The following FRMD4A variants were observed in gnomAD, a reference collection of about 807,000 sequenced individuals.
FRMD4A encodes the protein FERM domain containing 4A, also known as FERM domain-containing protein 4A.
In FRMD4A, 29 loss-of-function variants were observed where a neutral mutation model predicts 129.1. The observed-to-expected ratio is 0.22, with a 90% CI of 0.17 to 0.31. The LOEUF is 0.31. FRMD4A is among the 10% of genes least tolerant of loss of function. FRMD4A has a pLI of 1.00. For synonymous variants in FRMD4A, 634 were observed against 571.6 expected, an observed-to-expected ratio of 1.11 and a Z score of -1.56; for missense variants, 1,272 against 1,375.8, an observed-to-expected ratio of 0.92 and a Z score of 1.19.
At chr10:14,000,668 A>AAAAAAAAAAAAAAAAAAAAAAAAAAAAAG (rs1555009702) in intron 2 of FRMD4A, among the ~76,000 whole-genome samples, 3 of 74,514 alleles carry the variant, frequency 4.0e-5, no homozygotes, top group Admixed American at 1.4e-4. Flanking sequence ...AAAAAAAAAA[A>AAAAAAAAAAAAAAAAAAAAAAAAAAAAAG]GAGAAGAAAG....
At chr10:14,206,889 G>A (rs1243787691) in intron 2 of FRMD4A, among the ~76,000 whole-genome samples, 1 of 150,136 alleles carries the variant, frequency 6.7e-6, no homozygotes, top group African/African-American at 2.5e-5. Flanking sequence ...ACAGGCTCAT[G>A]CCCCACTGAT....
At chr10:13,851,592 T>C (rs1306230036) in intron 3 of FRMD4A, among the ~76,000 whole-genome samples, 3 of 152,062 alleles carry the variant, frequency 2.0e-5, no homozygotes, top group Admixed American at 1.3e-4. Context: ...GTGAGGGATC[T>C]AGTTTGCACA....
At chr10:13,866,324 A>C (rs776782921) in intron 2 of FRMD4A, 129 of 965,872 alleles carry the variant, frequency 1.3e-4, no homozygotes, top group Non-Finnish European at 1.5e-4. Context: ...AGGATGTCGG[A>C]TGCGGGACAG....
At chr10:13,698,234 T>C (rs2086426366) in intron 14 of FRMD4A, among the ~76,000 whole-genome samples, 1 of 152,156 alleles carries the variant, frequency 6.6e-6, no homozygotes, top group Non-Finnish European at 1.5e-5. Flanking sequence ...CTCGAACCAC[T>C]AGACCTCACT....
chr10:14,104,854 C>T (rs1334725535), intron 2 of FRMD4A, among the ~76,000 whole-genome samples: 1 of 152,232 alleles, frequency 6.6e-6, no homozygotes, highest in Non-Finnish European at 1.5e-5. Flanking sequence ...AACAGAGCAG[C>T]TGCCTTTGAA....
At chr10:14,014,444 G>C (rs139894627) in intron 2 of FRMD4A, among the ~76,000 whole-genome samples, 6 of 152,156 alleles carry the variant, frequency 3.9e-5, no homozygotes, top group Admixed American at 6.5e-5. Context: ...TCCTAGAGCA[G>C]GAGGGGGGAG....
At chr10:14,066,136 A>G (rs1835049783) in intron 2 of FRMD4A, among the ~76,000 whole-genome samples, 1 of 151,894 alleles carries the variant, frequency 6.6e-6, no homozygotes, top group African/African-American at 2.4e-5. Context: ...AGCACATAGA[A>G]GGGAACAAAT....
At chr10:13,729,010 C>A (rs915145273) in intron 12 of FRMD4A, among the ~76,000 whole-genome samples, 1 of 152,162 alleles carries the variant, frequency 6.6e-6, no homozygotes, top group African/African-American at 2.4e-5. Context: ...GAATATGATT[C>A]CTTTTGTCCT....
intron 6 of FRMD4A, among the ~76,000 whole-genome samples, chr10:13,772,144 T>C (rs1345915478): frequency 7.0e-6 from 1 of 143,188 alleles, no homozygotes; most frequent in East Asian, 2.0e-4. Flanking sequence ...ATATAATATA[T>C]AATAAAGATA....
intron 2 of FRMD4A, among the ~76,000 whole-genome samples, chr10:14,316,508 C>CAAAAAAAAAAAA (rs760301974): frequency 9.1e-6 from 1 of 109,930 alleles, no homozygotes; most frequent in Non-Finnish European, 1.9e-5. Context: ...GTGATAGCAG[C>CAAAAAAAAAAAA]AAAAAAAAAA....
intron 2 of FRMD4A, among the ~76,000 whole-genome samples, chr10:14,053,883 A>C (rs1834378985): frequency 6.6e-6 from 1 of 152,062 alleles, no homozygotes; most frequent in Non-Finnish European, 1.5e-5. Flanking sequence ...AAACTAGTGG[A>C]TTGTGGTGGT....
At chr10:14,058,322 T>C (rs1834639955) in intron 2 of FRMD4A, among the ~76,000 whole-genome samples, 1 of 152,258 alleles carries the variant, frequency 6.6e-6, no homozygotes. Context: ...TATCATTTGC[T>C]ACATGTTTGA....
At chr10:14,147,914 C>T (rs1840157107) in intron 2 of FRMD4A, among the ~76,000 whole-genome samples, 1 of 152,138 alleles carries the variant, frequency 6.6e-6, no homozygotes, top group African/African-American at 2.4e-5. Context: ...TTGGGACAGT[C>T]ACTTAATGTT....
chr10:13,853,143 A>G (rs1180335769), intron 3 of FRMD4A, among the ~76,000 whole-genome samples: 1 of 152,150 alleles, frequency 6.6e-6, no homozygotes, highest in Non-Finnish European at 1.5e-5. Flanking sequence ...GGAGACTCAC[A>G]TCATGCGGCA....
intron 2 of FRMD4A, among the ~76,000 whole-genome samples, chr10:14,051,214 C>G (rs767917968): frequency 1.3e-5 from 2 of 152,196 alleles, no homozygotes; most frequent in African/African-American, 4.8e-5. Context: ...GATTTTTTAT[C>G]TTTTCCACCT....
intron 2 of FRMD4A, among the ~76,000 whole-genome samples, chr10:14,315,642 C>T (rs1448796404): frequency 1.3e-5 from 2 of 152,224 alleles, no homozygotes; most frequent in African/African-American, 4.8e-5. Flanking sequence ...AGCTCCTCAG[C>T]AGAGTATTGT....
At chr10:13,800,672 C>T (rs1258741479) in intron 4 of FRMD4A, among the ~76,000 whole-genome samples, 1 of 152,210 alleles carries the variant, frequency 6.6e-6, no homozygotes, top group Admixed American at 6.5e-5. Context: ...CCCTGGGGGT[C>T]ACCATTCACA....
At chr10:13,931,235 A>T (rs1455600434) in intron 2 of FRMD4A, among the ~76,000 whole-genome samples, 1 of 152,208 alleles carries the variant, frequency 6.6e-6, no homozygotes, top group Admixed American at 6.5e-5. Context: ...AGACTCAGTG[A>T]GTTGCCCAAA....
chr10:14,200,153 G>A lies in FRMD4A; in HGVS notation c.45+129905C>T, dbSNP rs571356150. 2.7e-5 allele frequency among the ~76,000 whole-genome samples: 4 copies of A among 149,928 alleles called. 1 individual carries two copies. The highest frequency in any genetic ancestry group is 4.5e-5 in the Non-Finnish European group (3 of 67,102). ...AGTGATCCTCCTGCCTCAGCTTCCC[G>A]CAGTGTTGGGATTACACGCATGAGC... On this transcript the variant is annotated intron_variant, in intron 2 of 24. Transcript: ENST00000357447.
Sources: allele counts gnomAD v4.1 joint callset (sites outside exome capture counted in the v4.1 genomes callset), GRCh38; gene constraint gnomAD v4.1.1; transcripts MANE v1.5; gene names NCBI Gene and HGNC (gene_info 2026-07-23, HGNC 2026-07-21).